PRKCZ: variants seen among roughly 807,000 people sequenced by gnomAD.
PRKCZ encodes protein kinase C zeta, also known as protein kinase C zeta type.
Under a neutral mutation model 79.5 loss-of-function variants are expected in PRKCZ, and 33 were observed. That is an observed-to-expected ratio of 0.41 (90% confidence interval 0.31 to 0.55). The LOEUF is 0.55. Ranked by LOEUF, PRKCZ falls within the 20% of genes least tolerant of loss-of-function variation. The pLI is 0.19. For synonymous variants in PRKCZ, 342 were observed against 320.9 expected (o/e 1.07, Z -0.70); for missense variants, 578 against 813.5 (o/e 0.71, Z 3.52).
At position 2,175,333 on chromosome 1, in the gene PRKCZ, A is replaced by T. The variant is rs746316041; in HGVS notation, c.1575+20A>T. ...GACTTGGTAAAGCATCACAAAGCCT[A>T]TTTGCACCCCCATCCCCATCCCAAC... On this transcript the variant is annotated intron_variant, in intron 16 of 17. Transcript: ENST00000378567. 18 of 1,597,818 alleles carry T rather than the reference A, an allele frequency of 1.1e-5. No individual in the cohort carries two copies. The highest frequency in any genetic ancestry group is 1.5e-5 in the Non-Finnish European group (18 of 1,167,240).
intron 10 of PRKCZ, among the ~76,000 whole-genome samples, chr1:2,157,945 C>T (rs1433274295): frequency 6.6e-6 from 1 of 152,200 alleles, no homozygotes; most frequent in East Asian, 1.9e-4. Context: ...CTAAGCACAG[C>T]GGTCCTAGGC....
At chr1:2,110,968 T>G (rs1055540370) in intron 4 of PRKCZ, among the ~76,000 whole-genome samples, 1 of 151,674 alleles carries the variant, frequency 6.6e-6, no homozygotes, top group Admixed American at 6.6e-5. Context: ...TCCCCTCGGG[T>G]GCGAGGCCTG....
At chr1:2,048,793 G>C (rs373934683), upstream of PRKCZ, among the ~76,000 whole-genome samples, 95 of 152,298 alleles carry the variant, frequency 6.2e-4, no homozygotes, top group South Asian at 0.02. Flanking sequence ...CGAGGGATGG[G>C]AGATTTAGGG....
chr1:2,127,662 C>T lies in PRKCZ; in HGVS notation c.335-7600C>T, dbSNP rs1342338077. 2.0e-5 allele frequency among the ~76,000 whole-genome samples: 3 copies of T among 152,214 alleles called. No individual in the cohort carries two copies. The highest frequency in any genetic ancestry group is 4.4e-5 in the Non-Finnish European group (3 of 68,028). ...CAGGTGTAGCCGAGGCTCAGGGGCT[C>T]CACACCAGGCAAATAGGCGAACGGC... On this transcript the variant is annotated intron_variant, in intron 4 of 17. Transcript: ENST00000378567. This position sits in a 1 kb window ranked among gnomAD's most constrained non-coding sequence, Gnocchi z 5.1.
In PRKCZ at chr1:2,135,243, T is replaced by C. The variant is rs1557651562; in HGVS notation, c.335-19T>C. 2 of 1,603,468 alleles carry C rather than the reference T, an allele frequency of 1.2e-6. 1 individual carries two copies. Among genetic ancestry groups the C allele is most frequent in the Non-Finnish European group, 1.7e-6 (2 of 1,172,004 alleles). ...GGCTGCCACGCTGTTTCTTTACACC[T>C]TTCTCATATCCTTTCCAGAATCTAT... On this transcript the variant is annotated intron_variant, in intron 4 of 17. Transcript: ENST00000378567.
intron 4 of PRKCZ, among the ~76,000 whole-genome samples, chr1:2,060,726 G>A (rs1424301710): frequency 6.6e-6 from 1 of 152,198 alleles, no homozygotes; most frequent in Non-Finnish European, 1.5e-5. Flanking sequence ...GTCTGGGGCT[G>A]GACCTGCCGG....
chr1:2,161,397 G>A (rs961397538), intron 10 of PRKCZ, among the ~76,000 whole-genome samples: 1 of 152,232 alleles, frequency 6.6e-6, no homozygotes, highest in East Asian at 1.9e-4. Context: ...TGCATTGCGA[G>A]GGCGTCCTGC....
rs1047612954 is a variant in PRKCZ, at chr1:2,060,176, C to A, written c.334+585C>A. On this transcript the variant is annotated intron_variant, in intron 4 of 17. Transcript: ENST00000378567. ...TGGGGTTCCACCCCCACTCTCCAGACCCCACACGGCCTCCAGCATCCGTGC... is the reference window on the plus strand; with the variant it reads ...TGGGGTTCCACCCCCACTCTCCAGAACCCACACGGCCTCCAGCATCCGTGC... Among the ~76,000 whole-genome samples the A allele has an allele frequency of 7.3e-4, 111 of 152,140 alleles. 1 individual carries two copies. Among genetic ancestry groups the A allele is most frequent in the Non-Finnish European group, 1.3e-4 (9 of 68,050 alleles).
intron 4 of PRKCZ, among the ~76,000 whole-genome samples, chr1:2,095,641 C>T (rs1482329321): frequency 6.6e-6 from 1 of 152,030 alleles, no homozygotes; most frequent in African/African-American, 2.4e-5. Flanking sequence ...CTGCCCCTGT[C>T]TCCCGCAGCC....
intron 4 of PRKCZ, chr1:2,074,169 G>T: frequency 1.9e-6 from 3 of 1,549,370 alleles, no homozygotes; most frequent in Non-Finnish European, 1.7e-6. Context: ...CGCAGTGAGA[G>T]GCTGTTGTTT....
intron 4 of PRKCZ, among the ~76,000 whole-genome samples, chr1:2,092,492 G>C (rs1045842747): frequency 1.3e-5 from 2 of 152,226 alleles, no homozygotes; most frequent in Non-Finnish European, 2.9e-5. Flanking sequence ...GTGGGCCCTG[G>C]CAAGGATAGG....
chr1:2,155,644 G>A (rs928221233), intron 9 of PRKCZ, among the ~76,000 whole-genome samples: 1 of 135,618 alleles, frequency 7.4e-6, no homozygotes, highest in Admixed American at 7.5e-5. Flanking sequence ...GAAGGTGATG[G>A]TGACAGCAAC....
chr1:2,180,572 A>G (rs28642093), intron 16 of PRKCZ, among the ~76,000 whole-genome samples: 11 of 152,002 alleles, frequency 7.2e-5, no homozygotes, highest in South Asian at 4.2e-4. Flanking sequence ...GTGGACGCAC[A>G]GATGACCTGG....
intron 8 of PRKCZ, among the ~76,000 whole-genome samples, chr1:2,150,501 G>T (rs1679673027): frequency 6.6e-6 from 1 of 152,224 alleles, no homozygotes; most frequent in Non-Finnish European, 1.5e-5. Context: ...GGGCCTGGGG[G>T]TCCCTCCCAC....
intron 4 of PRKCZ, among the ~76,000 whole-genome samples, chr1:2,091,538 TTC>T (rs1665501949): frequency 6.6e-6 from 1 of 152,078 alleles, no homozygotes. Flanking sequence ...ACTCCCGACT[TTC>T]TGTTCCTGGC....
chr1:2,110,813 G>A (rs1352815580), intron 4 of PRKCZ, among the ~76,000 whole-genome samples: 1 of 152,072 alleles, frequency 6.6e-6, no homozygotes, highest in Non-Finnish European at 1.5e-5. Context: ...CCTGTGGGGG[G>A]CAGGGCTGGT....
intron 4 of PRKCZ, chr1:2,105,029 G>T: frequency 1.7e-6 from 1 of 584,988 alleles, no homozygotes. Context: ...TGTGAGTTCA[G>T]ACTTCTCAAG....
At chr1:2,068,708 G>A (rs1027258572) in intron 4 of PRKCZ, among the ~76,000 whole-genome samples, 1 of 152,234 alleles carries the variant, frequency 6.6e-6, no homozygotes, top group Non-Finnish European at 1.5e-5. Flanking sequence ...GGAGTGCTGG[G>A]TGGTCTGTCT....
chr1:2,070,264 T>C (rs1169513505), intron 4 of PRKCZ, among the ~76,000 whole-genome samples: 1 of 152,040 alleles, frequency 6.6e-6, no homozygotes, highest in Non-Finnish European at 1.5e-5. Flanking sequence ...TGTCCTACAT[T>C]CCACATTCTG....
Sources: allele counts gnomAD v4.1 joint callset (sites outside exome capture counted in the v4.1 genomes callset), GRCh38; gene constraint gnomAD v4.1.1; non-coding constraint Gnocchi (gnomAD v3.1); transcripts MANE v1.5; gene names NCBI Gene and HGNC (gene_info 2026-07-23, HGNC 2026-07-21).